The following CSMD1 variants were observed in gnomAD, a reference collection of about 807,000 sequenced individuals.
CSMD1 encodes the protein CUB and sushi domain-containing protein 1.
Under a neutral mutation model 417.5 loss-of-function variants are expected in CSMD1, and 213 were observed. The ratio of observed to expected loss-of-function variants is 0.51; its 90% confidence interval spans 0.46 to 0.57. The LOEUF (loss-of-function observed/expected upper bound fraction) is 0.57, where lower values mean the gene tolerates loss of function less well. CSMD1 is among the 20% of genes least tolerant of loss of function. The pLI, the probability that CSMD1 is intolerant of heterozygous loss-of-function variation, is 0.00. For missense variants in CSMD1, 6,923 were observed against 4,529.7 expected, an observed-to-expected ratio of 1.53 and a Z score of -15.17; for synonymous variants, 2,862 against 1,736.8, an observed-to-expected ratio of 1.65 and a Z score of -16.11.
intron 1 of CSMD1, among the ~76,000 whole-genome samples, chr8:4,914,202 C>T (rs1010439297): frequency 2.0e-5 from 3 of 152,148 alleles, no homozygotes; most frequent in Non-Finnish European, 4.4e-5. Context: ...TATAGTATTA[C>T]AGGTGCAATC....
intron 55 of CSMD1, among the ~76,000 whole-genome samples, chr8:2,978,159 G>A (rs1242089633): frequency 6.6e-6 from 1 of 152,172 alleles, no homozygotes; most frequent in African/African-American, 2.4e-5. Context: ...AGGTCTCACA[G>A]CACTCCCTTC....
chr8:3,963,685 A>G (rs1812480906), intron 5 of CSMD1, among the ~76,000 whole-genome samples: 1 of 152,220 alleles, frequency 6.6e-6, no homozygotes, highest in African/African-American at 2.4e-5. Context: ...GTGTAAGTGA[A>G]TATACATAGA....
At chr8:4,614,775 C>A (rs906165676) in intron 2 of CSMD1, among the ~76,000 whole-genome samples, 3 of 152,016 alleles carry the variant, frequency 2.0e-5, no homozygotes, top group Admixed American at 6.6e-5. Context: ...ATTTAGACTA[C>A]AATATGTCTG....
intron 5 of CSMD1, among the ~76,000 whole-genome samples, chr8:3,784,237 G>A (rs1799327961): frequency 1.3e-5 from 2 of 152,140 alleles, no homozygotes; most frequent in Non-Finnish European, 2.9e-5. Context: ...TTAAAAGGAT[G>A]TGTAAATAAA....
intron 23 of CSMD1, among the ~76,000 whole-genome samples, chr8:3,327,846 T>G (rs181912905): frequency 3.6e-4 from 55 of 152,324 alleles, no homozygotes; most frequent in Admixed American, 3.3e-3. Flanking sequence ...TCTCTTCACC[T>G]GCATATGCCC....
chr8:4,918,347 C>T (rs1422540764), intron 1 of CSMD1, among the ~76,000 whole-genome samples: 1 of 152,126 alleles, frequency 6.6e-6, no homozygotes, highest in East Asian at 1.9e-4. Context: ...TTTCTTTTTG[C>T]TGGAAATCTC....
At chr8:3,575,104 T>A (rs774101983) in intron 9 of CSMD1, 38 bp from the exon 10 acceptor site, 4 of 1,603,758 alleles carry the variant, frequency 2.5e-6, no homozygotes, top group Admixed American at 1.7e-5. Context: ...TTCTACAACA[T>A]TGTGTCAGTT....
At chr8:3,830,588 T>G (rs886678206) in intron 5 of CSMD1, among the ~76,000 whole-genome samples, 1 of 152,180 alleles carries the variant, frequency 6.6e-6, no homozygotes, top group Non-Finnish European at 1.5e-5. Context: ...GAAGAATGAT[T>G]GTTTGCAAGC....
At chr8:3,481,843 T>C (rs768544409) in intron 11 of CSMD1, among the ~76,000 whole-genome samples, 4 of 152,206 alleles carry the variant, frequency 2.6e-5, no homozygotes, top group Non-Finnish European at 5.9e-5. Context: ...TGCCCACATG[T>C]TGATGCTGGC....
intron 1 of CSMD1, among the ~76,000 whole-genome samples, chr8:4,930,692 C>A (rs537452249): frequency 6.6e-6 from 1 of 152,064 alleles, no homozygotes; most frequent in Admixed American, 6.6e-5. Flanking sequence ...ATGTTTAGGT[C>A]GTTTATATTG....
intron 26 of CSMD1, among the ~76,000 whole-genome samples, chr8:3,254,437 G>C (rs1800495675): frequency 6.6e-6 from 1 of 152,088 alleles, no homozygotes; most frequent in South Asian, 2.1e-4. Flanking sequence ...GCTAGATTGG[G>C]GAAGTTCTCC....
intron 3 of CSMD1, among the ~76,000 whole-genome samples, chr8:4,065,942 G>A (rs1312932930): frequency 1.3e-5 from 2 of 152,156 alleles, no homozygotes; most frequent in Admixed American, 6.5e-5. Flanking sequence ...AGAGAAAACT[G>A]ACAAATCATT....
intron 5 of CSMD1, among the ~76,000 whole-genome samples, chr8:3,844,161 A>C (rs183125875): frequency 1.1e-3 from 171 of 152,330 alleles, no homozygotes; most frequent in African/African-American, 3.8e-3. Flanking sequence ...CAATATTGGC[A>C]TTAACTTAGA....
intron 1 of CSMD1, among the ~76,000 whole-genome samples, chr8:4,685,316 G>A (rs942184768): frequency 2.6e-4 from 40 of 152,284 alleles, no homozygotes; most frequent in African/African-American, 8.9e-4. Flanking sequence ...GCTCATGCCT[G>A]TAATCCCAGC....
chr8:4,105,686 T>C (rs1370463721), intron 3 of CSMD1, among the ~76,000 whole-genome samples: 3 of 152,180 alleles, frequency 2.0e-5, no homozygotes, highest in Admixed American at 6.5e-5. Context: ...TTACCTGTCA[T>C]ATTAGCCTAG....
intron 68 of CSMD1, among the ~76,000 whole-genome samples, chr8:2,945,479 T>C (rs1408857737): frequency 2.6e-5 from 4 of 151,690 alleles, no homozygotes; most frequent in Non-Finnish European, 4.4e-5. Flanking sequence ...ATGAAATCTT[T>C]TGCCTATATC....
At chr8:3,245,679 G>T (rs1237923929) in intron 26 of CSMD1, among the ~76,000 whole-genome samples, 1 of 152,182 alleles carries the variant, frequency 6.6e-6, no homozygotes, top group African/African-American at 2.4e-5. Context: ...TCATAAGGAT[G>T]TACAAAGTTT....
At chr8:3,714,588 C>T (rs2623573) in intron 6 of CSMD1, among the ~76,000 whole-genome samples, 110,208 of 130,800 alleles carry the variant, frequency 0.84, 46,375 homozygotes, top group East Asian at 0.92. Context: ...AAAATTAGCC[C>T]CAGCCAGGCA....
rs1172600205 is a variant in CSMD1 at position 4,578,332 on chromosome 8, A to ATTTTTTTTTTTTTTTT, written c.302+58994_302+59009dup. ...AGGCACCTGCCACGACACCCGGCTC[A>ATTTTTTTTTTTTTTTT]TTTTTTTTTTTTTTTTTTTTTTTTT... On this transcript the variant is annotated intron_variant, in intron 2 of 69. Transcript: ENST00000635120. Among the ~76,000 whole-genome samples the ATTTTTTTTTTTTTTTT allele has an allele frequency of 6.0e-3, 293 of 48,758 alleles. 41 individuals carry two copies. The highest frequency in any genetic ancestry group is 0.031 in the Middle Eastern group (1 of 32). 32.0% of individuals were successfully genotyped at this position (48,758 alleles called of 152,430 possible).
Sources: allele counts gnomAD v4.1 joint callset (sites outside exome capture counted in the v4.1 genomes callset), GRCh38; gene constraint gnomAD v4.1.1; transcripts MANE v1.5; gene names NCBI Gene and HGNC (gene_info 2026-07-23, HGNC 2026-07-21).